Variants in DPP6 observed in about 807,000 individuals in gnomAD.
DPP6 encodes the protein dipeptidyl peptidase like 6.
A neutral mutation model predicts 122.6 loss-of-function variants in DPP6; 69 were observed. That is an observed-to-expected ratio of 0.56 (90% CI 0.46 to 0.69). DPP6 has a LOEUF of 0.69. Among genes scored for constraint, DPP6 ranks in the 30% least tolerant of loss-of-function variants. The probability of loss-of-function intolerance (pLI) is 0.00; values close to 1 mark genes in which losing one functional copy is unlikely to be tolerated. For synonymous variants in DPP6, 418 were observed against 433.1 expected (o/e 0.97, Z 0.43); for missense variants, 928 against 1,116.9 (o/e 0.83, Z 2.41).
intron 16 of DPP6, among the ~76,000 whole-genome samples, chr7:154,810,038 T>A (rs538031880): frequency 6.6e-6 from 1 of 152,366 alleles, no homozygotes; most frequent in Admixed American, 6.5e-5. Context: ...GTATTTTTAG[T>A]AAAGACAGGG....
chr7:154,407,990 C>G (rs73726866), intron 1 of DPP6, among the ~76,000 whole-genome samples: 13,387 of 152,224 alleles, frequency 0.088, 668 homozygotes, highest in East Asian at 0.12. Flanking sequence ...ATGTTGTTAT[C>G]ATGAGTTAAT....
At chr7:154,213,900 C>T (rs938883255) in intron 1 of DPP6, among the ~76,000 whole-genome samples, 11 of 152,288 alleles carry the variant, frequency 7.2e-5, no homozygotes, top group South Asian at 2.1e-4. Flanking sequence ...TCCCAGCCAG[C>T]GGCCTTCGCT....
chr7:154,585,742 A>T (rs1832398457), intron 5 of DPP6, among the ~76,000 whole-genome samples: 1 of 152,214 alleles, frequency 6.6e-6, no homozygotes, highest in South Asian at 2.1e-4. Context: ...AAATCTGCAC[A>T]TGTTCAGTAC....
chr7:154,289,972 T>C (rs917061882), intron 1 of DPP6, among the ~76,000 whole-genome samples: 5 of 152,180 alleles, frequency 3.3e-5, no homozygotes, highest in African/African-American at 1.2e-4. Context: ...TGATGCTTGC[T>C]GGAATGACCA....
At chr7:154,097,927 C>A (rs1805448518) in intron 1 of DPP6, among the ~76,000 whole-genome samples, 1 of 152,218 alleles carries the variant, frequency 6.6e-6, no homozygotes, top group African/African-American at 2.4e-5. Context: ...AGCAGCGTAG[C>A]CCCTTCCTGT....
At chr7:154,360,604 C>T (rs1242191827) in intron 1 of DPP6, among the ~76,000 whole-genome samples, 1 of 152,184 alleles carries the variant, frequency 6.6e-6, no homozygotes, top group Non-Finnish European at 1.5e-5. Context: ...TTAGTTGGCT[C>T]AGCTCTATAC....
intron 5 of DPP6, among the ~76,000 whole-genome samples, chr7:154,614,927 A>G (rs1368084170): frequency 1.3e-5 from 2 of 152,164 alleles, no homozygotes; most frequent in Non-Finnish European, 2.9e-5. Flanking sequence ...CCCTCATGGG[A>G]CCGCTGTGAG....
At chr7:154,612,030 G>T (rs1191813124) in intron 5 of DPP6, among the ~76,000 whole-genome samples, 1 of 152,186 alleles carries the variant, frequency 6.6e-6, no homozygotes, top group East Asian at 1.9e-4. Flanking sequence ...CCCAATGAAA[G>T]GTGTTTAGGC....
the DPP6 span, among the ~76,000 whole-genome samples, chr7:153,819,066 CCTTTT>C: frequency 1.1e-5 from 1 of 91,380 alleles, no homozygotes; most frequent in South Asian, 3.9e-4. Flanking sequence ...TTTTTTTTCC[CCTTTT>C]CTTTTCTTTT....
intron 1 of DPP6, among the ~76,000 whole-genome samples, chr7:154,300,251 C>G (rs773828098): frequency 6.6e-5 from 10 of 152,192 alleles, no homozygotes; most frequent in Non-Finnish European, 1.5e-4. Context: ...AGAGAAGACC[C>G]GTCTTGGCTG....
At chr7:154,595,512 C>A (rs980923753) in intron 5 of DPP6, among the ~76,000 whole-genome samples, 1 of 152,206 alleles carries the variant, frequency 6.6e-6, no homozygotes, top group Admixed American at 6.5e-5. Context: ...TGTGAGTCTT[C>A]ACACTGATGC....
intron 16 of DPP6, among the ~76,000 whole-genome samples, chr7:154,823,247 G>T (rs1374529710): frequency 6.6e-6 from 1 of 152,176 alleles, no homozygotes; most frequent in Non-Finnish European, 1.5e-5. Context: ...TGTAAACAAT[G>T]AAAGAGAATC....
At chr7:153,997,339 G>A (rs1402786172) in intron 1 of DPP6, among the ~76,000 whole-genome samples, 2 of 152,076 alleles carry the variant, frequency 1.3e-5, no homozygotes, top group Admixed American at 1.3e-4. Context: ...GGTCAAGCTG[G>A]GAACCTTGTT....
chr7:154,527,998 A>G (rs544482956), intron 3 of DPP6, among the ~76,000 whole-genome samples: 1 of 152,278 alleles, frequency 6.6e-6, no homozygotes, highest in East Asian at 1.9e-4. Context: ...TTGAAAAAAA[A>G]AACAAAAAAG....
Position 154,638,002 on chromosome 7 carries a change from A to T in DPP6, c.680+129A>T, listed in dbSNP as rs181755027. 59 of 1,017,202 alleles carry T rather than the reference A, an allele frequency of 5.8e-5. No homozygotes were observed. In the African/African-American group the frequency reaches 8.7e-4, roughly 15 times the overall value. 63.0% of individuals were successfully genotyped at this position (1,017,202 alleles called of 1,614,324 possible). ...AGTTCTCACAGCCAAGGGTGCTGGT[A>T]TCGTGGCACCTCTGGGACTCTCCCT... On this transcript the variant is annotated intron_variant, in intron 6 of 25. Coordinates refer to ENST00000377770, the MANE Select transcript of DPP6 (RefSeq NM_130797.4).
In DPP6 at chr7:154,241,185, ATGTGTG is replaced by A. The variant is rs1554498771; in HGVS notation, c.243+188152_243+188157del. Among the ~76,000 whole-genome samples the A allele has an allele frequency of 1.6e-4, 22 of 136,296 alleles. No individual in the cohort carries two copies. The South Asian group carries it at 5.5e-3, about 34-fold the overall frequency. The allele number at this position is 136,296 out of a possible 152,430, so 89.4% of individuals were successfully genotyped here. A position where few individuals can be genotyped will look rare whatever the true frequency, so the allele number is the denominator to read the frequency against. On this transcript the variant is annotated intron_variant, in intron 1 of 25. Coordinates refer to ENST00000377770, the MANE Select transcript of DPP6 (RefSeq NM_130797.4). The surrounding 1 kb of genome is among the most constrained non-coding windows in gnomAD (Gnocchi z 9.0). ...GCACAGTAGGTAATTCAATATCAAT[ATGTGTG>A]TGTGTGTGTGTGTGTGTGTGTGTGT...
intron 1 of DPP6, among the ~76,000 whole-genome samples, chr7:154,063,639 ACTCCCTCTTCCCCCTCTGGCGCTTAG>A (rs1802436151): frequency 7.8e-6 from 1 of 128,788 alleles, no homozygotes; most frequent in Non-Finnish European, 1.7e-5. Context: ...ACTGAGAGCC[ACTCCCTCTTCCCCCTCTGGCGCTTAG>A]GACCCCCATC....
chr7:153,870,430 C>G, the DPP6 span, among the ~76,000 whole-genome samples: 1 of 152,210 alleles, frequency 6.6e-6, no homozygotes, highest in Non-Finnish European at 1.5e-5. Flanking sequence ...CTCTTTCTTG[C>G]AGTTGATCGA....
At chr7:153,977,001 C>T (rs542437664) in intron 1 of DPP6, among the ~76,000 whole-genome samples, 8 of 152,216 alleles carry the variant, frequency 5.3e-5, no homozygotes, top group African/African-American at 1.7e-4. Context: ...CTGCTGTGCA[C>T]GGTAGCCCCA....
Sources: allele counts gnomAD v4.1 joint callset (sites outside exome capture counted in the v4.1 genomes callset), GRCh38; gene constraint gnomAD v4.1.1; non-coding constraint Gnocchi (gnomAD v3.1); transcripts MANE v1.5; gene names NCBI Gene and HGNC (gene_info 2026-07-23, HGNC 2026-07-21).